Variants in DCAKD observed in about 807,000 individuals in gnomAD.
The protein encoded by DCAKD is dephospho-CoA kinase domain containing.
DCAKD carries 15 observed loss-of-function variants against 18.7 expected under a neutral mutation model. The ratio of observed to expected loss-of-function variants is 0.80; its 90% CI spans 0.54 to 1.24. The LOEUF is 1.24. DCAKD is among the 50% of genes most tolerant of loss of function. The pLI is 0.00. For missense variants in DCAKD, 301 were observed against 322.0 expected, an observed-to-expected ratio of 0.93 and a Z score of 0.50; for synonymous variants, 130 against 133.0, an observed-to-expected ratio of 0.98 and a Z score of 0.16.
intron 4 of DCAKD, 125 bp from the exon 5 acceptor site, chr17:45,024,849 C>T: frequency 2.4e-6 from 3 of 1,236,094 alleles, no homozygotes; most frequent in Non-Finnish European, 3.3e-6. Context: ...CCCTCCAACC[C>T]TACCCTGCTC....
intron 1 of DCAKD, among the ~76,000 whole-genome samples, chr17:45,038,071 T>TTTTTC (rs147559728): frequency 2.7e-3 from 401 of 151,278 alleles, no homozygotes; most frequent in African/African-American, 8.3e-3. Context: ...GCCTGGCCTT[T>TTTTTC]TTTTCTTTTC....
At chr17:45,044,848 G>A (rs1436344187) in intron 1 of DCAKD, among the ~76,000 whole-genome samples, 1 of 152,216 alleles carries the variant, frequency 6.6e-6, no homozygotes, top group African/African-American at 2.4e-5. Flanking sequence ...TCAGTCCAAA[G>A]CATTTATAAG....
intron 1 of DCAKD, among the ~76,000 whole-genome samples, chr17:45,046,961 C>T (rs2053584292): frequency 6.6e-6 from 1 of 152,140 alleles, no homozygotes; most frequent in Non-Finnish European, 1.5e-5. Flanking sequence ...TGACTGCCTA[C>T]AGTGACTAAG....
Position 45,034,344 on chromosome 17 carries a change from G to A in DCAKD, c.159C>T (p.Phe53=), listed in dbSNP as rs974172129. 29 of 1,613,902 alleles carry A rather than the reference G, an allele frequency of 1.8e-5. No individual in the cohort carries two copies. The African/African-American group carries it at 2.4e-4, about 13-fold the overall frequency. The change falls in exon 3 of 5, where the codon TTC becomes TTT. Residue 53 remains phenylalanine, a synonymous_variant. Coordinates refer to ENST00000651974, the MANE Select transcript of DCAKD (RefSeq NM_001288655.2). ...CGTTCTCCAGCAAGACCTCAGTGCC[G>A]AAGACCTCTACGATGCGCCGGTGGG... ...YPAHRRIVEV[F]GTEVLLENGD...
At position 45,024,466 on chromosome 17, in the gene DCAKD, G is replaced by A; in HGVS notation, c.663C>T (p.Tyr221=). 1 of 1,612,878 alleles carries A rather than the reference G, an allele frequency of 6.2e-7. No individual in the cohort carries two copies. The highest frequency in any genetic ancestry group is 8.5e-7 in the Non-Finnish European group (1 of 1,178,980). The change falls in exon 5 of 5, where the codon TAC becomes TAT. Residue 221 remains tyrosine (Y), a synonymous_variant. Transcript: ENST00000651974. The stretch of plus-strand genomic sequence containing the variant: ...AAGGCAGAAGGTAGTGGGTGAGCAG[G>A]TAGAGGAGGCTGGCAATGGCAGCGA... The part of the protein sequence containing the change: ...TGLAAIASLL[Y]LLTHYLLPYA
At chr17:45,059,589 CT>C (rs895266200) in intron 1 of DCAKD, among the ~76,000 whole-genome samples, 1 of 152,144 alleles carries the variant, frequency 6.6e-6, no homozygotes, top group African/African-American at 2.4e-5. Context: ...TGGCAGTTAC[CT>C]TTTTTCCCCT....
At chr17:45,052,423 T>TA, upstream of DCAKD, among the ~76,000 whole-genome samples, 1 of 152,126 alleles carries the variant, frequency 6.6e-6, no homozygotes, top group East Asian at 1.9e-4. Flanking sequence ...AACAGGAAAC[T>TA]ATGTTTAGCG....
At chr17:45,060,852 A>T in intron 1 of DCAKD, 1 of 193,816 alleles carries the variant, frequency 5.2e-6, no homozygotes, top group Non-Finnish European at 9.6e-6. Context: ...GGCTCCAGGC[A>T]GGTAGCACCC....
chr17:45,028,606 C>A (rs1403461181), intron 4 of DCAKD, among the ~76,000 whole-genome samples: 1 of 151,668 alleles, frequency 6.6e-6, no homozygotes, highest in Admixed American at 6.6e-5. Context: ...GATGGGGTTT[C>A]TCCATGTTGG....
intron 4 of DCAKD, among the ~76,000 whole-genome samples, chr17:45,025,744 C>CTTT (rs66731834): frequency 4.3e-4 from 45 of 103,810 alleles, no homozygotes; most frequent in Middle Eastern, 4.8e-3. Context: ...TTGGTTCCTT[C>CTTT]TTTTTTTTTT....
At chr17:45,042,698 G>A (rs1267467985) in intron 1 of DCAKD, among the ~76,000 whole-genome samples, 3 of 152,114 alleles carry the variant, frequency 2.0e-5, no homozygotes, top group Admixed American at 6.5e-5. Context: ...TTTTGTATAC[G>A]GCTTCCCCAC....
At chr17:45,047,618 C>T (rs1216840920) in intron 1 of DCAKD, among the ~76,000 whole-genome samples, 2 of 151,526 alleles carry the variant, frequency 1.3e-5, no homozygotes, top group African/African-American at 4.9e-5. Context: ...GATTCTCCTG[C>T]CTCAGCCTCC....
intron 1 of DCAKD, among the ~76,000 whole-genome samples, chr17:45,039,733 G>T (rs890488807): frequency 6.6e-6 from 1 of 152,212 alleles, no homozygotes; most frequent in Admixed American, 6.5e-5. Context: ...TGCCAAGAAC[G>T]GTGCAGCTCC....
At chr17:45,057,744 C>T (rs562252260) in intron 1 of DCAKD, among the ~76,000 whole-genome samples, 1 of 150,738 alleles carries the variant, frequency 6.6e-6, no homozygotes, top group East Asian at 2.0e-4. Flanking sequence ...GGTGCAGTGT[C>T]TCACACCTGT....
chr17:45,030,403 T>G (rs187607894), intron 3 of DCAKD, among the ~76,000 whole-genome samples: 150 of 152,326 alleles, frequency 9.8e-4, no homozygotes, highest in Non-Finnish European at 1.7e-3. Context: ...GGGCTGGCAC[T>G]TGTGCTGGCC....
intron 4 of DCAKD, among the ~76,000 whole-genome samples, chr17:45,025,448 C>G (rs1253350603): frequency 1.3e-5 from 2 of 152,158 alleles, no homozygotes; most frequent in African/African-American, 4.8e-5. Context: ...AATATCAAGT[C>G]TCCCAACTCC....
At position 45,034,989 on chromosome 17, in the gene DCAKD, GC is replaced by G; in HGVS notation, c.-105del. Reference sequence around the variant, plus strand: ...GATGGGGGCGGTCCACCAGAGGAGTGCCAGAAGGACCTGCTTGGGAGAGGCC... The same window carrying G: ...GATGGGGGCGGTCCACCAGAGGAGTGCAGAAGGACCTGCTTGGGAGAGGCC... On this transcript the variant is annotated 5_prime_UTR_variant, in exon 2 of 5. The change creates a premature stop within an existing upstream ORF in the 5' untranslated region. Transcript: ENST00000651974. 1 of 1,221,028 alleles carries G rather than the reference GC, an allele frequency of 8.2e-7. No homozygotes were observed. The highest frequency in any genetic ancestry group is 1.2e-6 in the Non-Finnish European group (1 of 850,982). 75.6% of individuals were successfully genotyped at this position (1,221,028 alleles called of 1,614,324 possible). A position where few individuals can be genotyped will look rare whatever the true frequency, so the allele number is the denominator to read the frequency against.
intron 1 of DCAKD, among the ~76,000 whole-genome samples, chr17:45,046,585 C>T (rs961033388): frequency 1.5e-5 from 2 of 137,850 alleles, no homozygotes; most frequent in Non-Finnish European, 3.0e-5. Context: ...CATTGCATTC[C>T]AGCCTGGGCG....
chr17:45,049,713 C>CTTT (rs57106886), intron 1 of DCAKD, among the ~76,000 whole-genome samples: 1,371 of 111,756 alleles, frequency 0.012, 31 homozygotes, highest in African/African-American at 0.017. Flanking sequence ...TTTTCTTTTC[C>CTTT]TTTTTTTTTT....
Sources: gnomAD v4.1 joint callset for allele counts (sites outside exome capture counted in the v4.1 genomes callset) on GRCh38, gnomAD v4.1.1 for gene constraint, MANE v1.5 for transcripts, NCBI Gene and HGNC (gene_info 2026-07-23, HGNC 2026-07-21) for gene names.